The following HEPH variants were observed in gnomAD, a reference collection of about 807,000 sequenced individuals.
HEPH encodes hephaestin.
Under a neutral mutation model 80.8 loss-of-function variants are expected in HEPH, and 69 were observed. The observed-to-expected ratio is 0.85, with a 90% CI of 0.70 to 1.04. The LOEUF is 1.04. Among genes scored for constraint, HEPH ranks in the 50% least tolerant of loss-of-function variants. HEPH has a pLI of 0.00. For missense variants in HEPH, 1,115 were observed against 891.3 expected, an observed-to-expected ratio of 1.25 and a Z score of -3.20; for synonymous variants, 431 against 322.8, an observed-to-expected ratio of 1.34 and a Z score of -3.60.
intron 7 of HEPH, 137 bp downstream of exon 7, chrX:66,192,435 T>C: frequency 1.5e-6 from 1 of 665,425 alleles, no homozygotes; most frequent in Non-Finnish European, 2.2e-6. Context: ...GAACCAACTG[T>C]TAGCCAAGTT....
At position 66,207,265 on chromosome X, in the gene HEPH, G is replaced by T; in HGVS notation, c.2362G>T (p.Glu788Ter). 1 of 1,202,156 alleles carries T rather than the reference G, an allele frequency of 8.3e-7. No homozygotes were observed. The highest frequency in any genetic ancestry group is 1.1e-6 in the Non-Finnish European group (1 of 888,796). Residue 788 changes from glutamate to a stop codon, truncating the protein, a stop_gained, in exon 14 of 21, where the codon GAA becomes TAA. Transcript: ENST00000343002. LOFTEE classifies it high-confidence loss of function. ...CAGATACAAGAAAGCTGTATTCAGG[G>T]AATACACTGATGGTACATTCAGGAT... ...GSRYKKAVFR[E>*]YTDGTFRIPR...
intron 11 of HEPH, 89 bp downstream of exon 11, chrX:66,199,117 T>A (rs958970352): frequency 1.1e-6 from 1 of 916,871 alleles, no homozygotes; most frequent in Non-Finnish European, 1.5e-6. Context: ...CTGAAAACAC[T>A]GATTTTATTG....
At chrX:66,199,619 T>C (rs1020109620) in intron 11 of HEPH, among the ~76,000 whole-genome samples, 1 of 112,178 alleles carries the variant, frequency 8.9e-6, no homozygotes, top group African/African-American at 3.2e-5. Context: ...AAAAATGATA[T>C]GCTTCCTGTT....
At chrX:66,250,536 T>C (rs969138489) in intron 15 of HEPH, among the ~76,000 whole-genome samples, 1 of 111,488 alleles carries the variant, frequency 9.0e-6, no homozygotes, top group Admixed American at 9.6e-5. Flanking sequence ...ACCACTGATC[T>C]GGTCTCAATT....
intron 15 of HEPH, among the ~76,000 whole-genome samples, chrX:66,235,253 C>T (rs757123185): frequency 3.6e-5 from 4 of 111,738 alleles, no homozygotes; most frequent in South Asian, 7.5e-4. Context: ...CCTGTGTCTT[C>T]GTCATGAAAT....
intron 15 of HEPH, among the ~76,000 whole-genome samples, chrX:66,232,635 G>A (rs770436483): frequency 6.3e-5 from 7 of 110,712 alleles, no homozygotes; most frequent in African/African-American, 1.6e-4. Context: ...TTATTTTTAC[G>A]AAAACAATTA....
chrX:66,178,256 C>T (rs1280845373), intron 4 of HEPH, among the ~76,000 whole-genome samples: 1 of 111,898 alleles, frequency 8.9e-6, no homozygotes, highest in Non-Finnish European at 1.9e-5. Context: ...CATCTATGTC[C>T]CTACAAAGGA....
chrX:66,256,395 T>A (rs913624415), intron 17 of HEPH, 65 bp downstream of exon 17: 23 of 797,028 alleles, frequency 2.9e-5, no homozygotes, highest in Non-Finnish European at 4.3e-5. Flanking sequence ...GGATATTTAA[T>A]AGGCCTATTG....
chrX:66,230,785 A>G (rs1420982445), intron 15 of HEPH, among the ~76,000 whole-genome samples: 1 of 103,915 alleles, frequency 9.6e-6, no homozygotes, highest in East Asian at 3.0e-4. Flanking sequence ...GTTTAATTAG[A>G]TCCCATTTGT....
At chrX:66,251,009 G>A (rs930917373) in intron 15 of HEPH, among the ~76,000 whole-genome samples, 2 of 111,489 alleles carry the variant, frequency 1.8e-5, no homozygotes, top group African/African-American at 6.5e-5. Context: ...TCAGCCTCCC[G>A]AGTAGCTGGG....
At chrX:66,207,851 T>G (rs1423225501) in intron 14 of HEPH, among the ~76,000 whole-genome samples, 1 of 111,032 alleles carries the variant, frequency 9.0e-6, no homozygotes, top group East Asian at 2.8e-4. Context: ...CTGTTATAGA[T>G]AGAGGGTAGG....
chrX:66,237,975 T>G (rs1344997369), intron 15 of HEPH, among the ~76,000 whole-genome samples: 7 of 112,100 alleles, frequency 6.2e-5, no homozygotes, highest in Non-Finnish European at 1.1e-4. Flanking sequence ...CTTGGTAGAT[T>G]TTTTTCATCC....
At chrX:66,168,260 A>G (rs946744009) in intron 1 of HEPH, among the ~76,000 whole-genome samples, 1 of 112,123 alleles carries the variant, frequency 8.9e-6, no homozygotes, top group African/African-American at 3.2e-5. Context: ...AGTATGATGG[A>G]TGTGAGACTG....
intron 15 of HEPH, among the ~76,000 whole-genome samples, chrX:66,215,479 C>G (rs527999246): frequency 8.9e-6 from 1 of 111,834 alleles, no homozygotes; most frequent in South Asian, 3.8e-4. Flanking sequence ...GTTTCTCTCT[C>G]TTTGCTATGA....
chrX:66,221,587 G>T (rs766161081), intron 15 of HEPH, among the ~76,000 whole-genome samples: 3 of 112,743 alleles, frequency 2.7e-5, no homozygotes, highest in Admixed American at 9.3e-5. Flanking sequence ...TGTTTTGAAA[G>T]CTAGGCCACT....
At chrX:66,248,161 C>G (rs1311260207) in intron 15 of HEPH, among the ~76,000 whole-genome samples, 1 of 111,543 alleles carries the variant, frequency 9.0e-6, no homozygotes, top group Non-Finnish European at 1.9e-5. Context: ...TTTGCTAGAT[C>G]AACATGCTCT....
intron 4 of HEPH, among the ~76,000 whole-genome samples, chrX:66,182,003 T>C (rs1317779314): frequency 9.1e-6 from 1 of 109,768 alleles, no homozygotes; most frequent in Non-Finnish European, 1.9e-5. Flanking sequence ...AAAGATAAGA[T>C]AGTTGTAGAT....
chrX:66,235,289 G>T (rs2090317733), intron 15 of HEPH, among the ~76,000 whole-genome samples: 1 of 111,455 alleles, frequency 9.0e-6, no homozygotes, highest in African/African-American at 3.3e-5. Context: ...GATCCAGGAT[G>T]GTATTGCCTA....
chrX:66,173,458 T>C (rs1336509824), intron 3 of HEPH, 131 bp from the exon 4 acceptor site: 4 of 462,724 alleles, frequency 8.6e-6, no homozygotes, highest in Non-Finnish European at 1.5e-5. Context: ...AGGAATACTA[T>C]GTAGGTCATT....
Sources: allele counts gnomAD v4.1 joint callset (sites outside exome capture counted in the v4.1 genomes callset), GRCh38; gene constraint gnomAD v4.1.1; transcripts MANE v1.5; gene names NCBI Gene and HGNC (gene_info 2026-07-23, HGNC 2026-07-21).